SPRED1: variants seen among roughly 807,000 people sequenced by gnomAD.
SPRED1 encodes the protein sprouty related EVH1 domain containing 1.
A neutral mutation model predicts 52.3 loss-of-function variants in SPRED1; 18 were observed. The ratio of observed to expected loss-of-function variants is 0.34; its 90% confidence interval spans 0.24 to 0.51. The LOEUF (loss-of-function observed/expected upper bound fraction) is 0.51, where lower values mean the gene tolerates loss of function less well. Ranked by LOEUF, SPRED1 falls within the 20% of genes least tolerant of loss-of-function variation. The pLI, the probability that SPRED1 is intolerant of heterozygous loss-of-function variation, is 0.97. For missense variants in SPRED1, 485 were observed against 551.0 expected (o/e 0.88, Z 1.20); for synonymous variants, 155 against 179.7 (o/e 0.86, Z 1.10).
rs1012020871 is a variant in SPRED1 at position 38,323,355 on chromosome 15, G to A, written c.376+946G>A. Among the ~76,000 whole-genome samples, 22 of 152,034 alleles carry A rather than the reference G, an allele frequency of 1.4e-4. 1 individual carries two copies. The highest frequency in any genetic ancestry group is 1.3e-3 in the Admixed American group (20 of 15,252). On this transcript the variant is annotated intron_variant, in intron 3 of 6. Coordinates refer to ENST00000299084, the MANE Select transcript of SPRED1 (RefSeq NM_152594.3). The stretch of plus-strand genomic sequence containing the variant: ...ATTCTGATCCAGAAAAAATTACTAT[G>A]AAGTAATAGTAGCCATTTTGTCTTT...
At chr15:38,280,581 A>G (rs932894564) in intron 1 of SPRED1, among the ~76,000 whole-genome samples, 35 of 152,296 alleles carry the variant, frequency 2.3e-4, no homozygotes, top group Non-Finnish European at 4.1e-4. Context: ...TATCTTATCT[A>G]AAGATAAGAG....
chr15:38,275,757 A>T (rs1035115712), intron 1 of SPRED1, among the ~76,000 whole-genome samples: 1 of 152,182 alleles, frequency 6.6e-6, no homozygotes, highest in Non-Finnish European at 1.5e-5. Context: ...CGGCCTCCCA[A>T]AGTGCTGGGA....
intron 5 of SPRED1, among the ~76,000 whole-genome samples, chr15:38,344,962 C>G (rs1005198718): frequency 6.6e-6 from 1 of 152,168 alleles, no homozygotes; most frequent in East Asian, 1.9e-4. Context: ...TCTTTTAAAG[C>G]TGCAGTAGAC....
At chr15:38,302,661 T>A (rs573063615) in intron 2 of SPRED1, among the ~76,000 whole-genome samples, 2 of 152,326 alleles carry the variant, frequency 1.3e-5, no homozygotes, top group Admixed American at 1.3e-4. Context: ...TCCAGACTGG[T>A]TGCCTTATGT....
At chr15:38,302,687 G>A (rs1490033787) in intron 2 of SPRED1, among the ~76,000 whole-genome samples, 2 of 152,152 alleles carry the variant, frequency 1.3e-5, no homozygotes, top group African/African-American at 4.8e-5. Context: ...TTCTATATGT[G>A]CCTGAGGAGA....
At chr15:38,277,425 C>T (rs1420484676) in intron 1 of SPRED1, among the ~76,000 whole-genome samples, 1 of 152,168 alleles carries the variant, frequency 6.6e-6, no homozygotes, top group Non-Finnish European at 1.5e-5. Context: ...CCAGGTCCAT[C>T]CATGTTGCTG....
intron 1 of SPRED1, among the ~76,000 whole-genome samples, chr15:38,283,173 A>G (rs745405050): frequency 2.6e-5 from 4 of 152,208 alleles, no homozygotes; most frequent in Non-Finnish European, 4.4e-5. Flanking sequence ...AAGGGGAAGT[A>G]GGCGCCTTCC....
Position 38,356,117 on chromosome 15 carries a change from A to G in SPRED1, c.*4453A>G, listed in dbSNP as rs889423928. On this transcript the variant is annotated 3_prime_UTR_variant, in exon 7 of 7. Coordinates refer to ENST00000299084, the MANE Select transcript of SPRED1 (RefSeq NM_152594.3). Reference sequence around the variant, plus strand: ...AAGTCTTTGTATTAAAAATACACATAGATTTTTGTGAACATTTCCAGTGTG... The same window carrying G: ...AAGTCTTTGTATTAAAAATACACATGGATTTTTGTGAACATTTCCAGTGTG... 1.3e-5 allele frequency: 2 copies of G among 152,144 alleles called. No individual in the cohort carries two copies. The highest frequency in any genetic ancestry group is 2.4e-5 in the African/African-American group (1 of 41,454). 9.4% of individuals were successfully genotyped at this position (152,144 alleles called of 1,614,324 possible). A position where few individuals can be genotyped will look rare whatever the true frequency, so the allele number is the denominator to read the frequency against.
chr15:38,268,626 A>G (rs1894362257), intron 1 of SPRED1, among the ~76,000 whole-genome samples: 1 of 152,232 alleles, frequency 6.6e-6, no homozygotes, highest in African/African-American at 2.4e-5. Flanking sequence ...ATAGTAAATG[A>G]TAAATCATCA....
intron 1 of SPRED1, 140 bp downstream of exon 1, chr15:38,253,357 T>C (rs1311313773): frequency 7.4e-6 from 6 of 807,298 alleles, no homozygotes; most frequent in Non-Finnish European, 1.3e-5. Context: ...ATAGCTGATT[T>C]CTTTAGCCAT....
chr15:38,318,557 C>T (rs922285465), intron 2 of SPRED1, among the ~76,000 whole-genome samples: 4 of 152,022 alleles, frequency 2.6e-5, no homozygotes, highest in African/African-American at 9.7e-5. Flanking sequence ...CCCATGTACT[C>T]AATAGGTTTT....
rs553453653 is a variant in SPRED1, at chr15:38,353,425, T to A, written c.*1761T>A. The A allele has an allele frequency of 6.6e-6, 1 of 152,496 alleles. No individual in the cohort carries two copies. Among genetic ancestry groups the A allele is most frequent in the African/African-American group, 2.4e-5 (1 of 41,428 alleles). The allele number at this position is 152,496 out of a possible 1,614,324, so 9.4% of individuals were successfully genotyped here. A position where few individuals can be genotyped will look rare whatever the true frequency, so the allele number is the denominator to read the frequency against. On this transcript the variant is annotated 3_prime_UTR_variant, in exon 7 of 7. Coordinates refer to ENST00000299084, the MANE Select transcript of SPRED1 (RefSeq NM_152594.3). ...GATCATCTTGAAGTATTATTTCACA[T>A]TGAAAAGAAGAAAATATATTGATAA... is the stretch of plus-strand genomic sequence containing the variant.
intron 2 of SPRED1, among the ~76,000 whole-genome samples, chr15:38,315,770 C>G (rs989858570): frequency 6.6e-6 from 1 of 151,968 alleles, no homozygotes; most frequent in Non-Finnish European, 1.5e-5. Flanking sequence ...CAAAAATCCT[C>G]TTCATAAATA....
intron 1 of SPRED1, among the ~76,000 whole-genome samples, chr15:38,266,889 C>T (rs912626080): frequency 2.0e-5 from 3 of 152,146 alleles, no homozygotes; most frequent in Non-Finnish European, 4.4e-5. Context: ...CTTTTGAGTC[C>T]GAACTGTGTT....
chr15:38,266,862 G>A (rs758763070), intron 1 of SPRED1, among the ~76,000 whole-genome samples: 65 of 151,926 alleles, frequency 4.3e-4, no homozygotes, highest in Admixed American at 9.8e-4. Flanking sequence ...ATTGGATGTT[G>A]TATATAGACT....
intron 1 of SPRED1, among the ~76,000 whole-genome samples, chr15:38,294,141 C>T (rs532507635): frequency 6.6e-6 from 1 of 152,322 alleles, no homozygotes; most frequent in Admixed American, 6.5e-5. Flanking sequence ...ATCATCCCAA[C>T]CTACTTCTAT....
rs142000175 is a variant in SPRED1, at chr15:38,279,483, T to C, written c.33-19890T>C. ...AATTAGCATCTCAATCAAAAGAGGA[T>C]GTGTGTATGTGGTTTTGTGCCAAAC... On this transcript the variant is annotated intron_variant, in intron 1 of 6. Coordinates refer to ENST00000299084, the MANE Select transcript of SPRED1 (RefSeq NM_152594.3). 9.8e-3 allele frequency among the ~76,000 whole-genome samples: 1,486 copies of C among 152,316 alleles called. 26 individuals are homozygous for C. The highest frequency in any genetic ancestry group is 0.034 in the African/African-American group (1,415 of 41,564).
intron 1 of SPRED1, among the ~76,000 whole-genome samples, chr15:38,279,657 G>T (rs1894644611): frequency 6.6e-6 from 1 of 152,286 alleles, no homozygotes; most frequent in Non-Finnish European, 1.5e-5. Flanking sequence ...TCTGTAAAAT[G>T]AGGATAATCA....
At chr15:38,295,547 AT>A (rs1213578458) in intron 1 of SPRED1, among the ~76,000 whole-genome samples, 2 of 152,206 alleles carry the variant, frequency 1.3e-5, no homozygotes, top group Admixed American at 1.3e-4. Flanking sequence ...ACAGGATTGT[AT>A]TTAGAAAATG....
Sources: allele counts gnomAD v4.1 joint callset (sites outside exome capture counted in the v4.1 genomes callset), GRCh38; gene constraint gnomAD v4.1.1; transcripts MANE v1.5; gene names NCBI Gene and HGNC (gene_info 2026-07-23, HGNC 2026-07-21).